Variants in CNTN5 observed in about 807,000 individuals in gnomAD.
CNTN5 encodes the protein contactin 5.
CNTN5 carries 77 observed loss-of-function variants against 129.1 expected under a neutral mutation model. The ratio of observed to expected loss-of-function variants is 0.60; its 90% CI spans 0.50 to 0.72. The LOEUF is 0.72. Among genes scored for constraint, CNTN5 ranks in the 30% least tolerant of loss-of-function variants. The pLI, the probability that CNTN5 is intolerant of heterozygous loss-of-function variation, is 0.00. For synonymous variants in CNTN5, 509 were observed against 465.6 expected (o/e 1.09, Z -1.20); for missense variants, 1,478 against 1,328.8 (o/e 1.11, Z -1.75).
Position 99,578,175 on chromosome 11 carries a change from T to G in CNTN5, c.55+21906T>G, listed in dbSNP as rs187132557. 2.3e-3 allele frequency among the ~76,000 whole-genome samples: 343 copies of G among 152,204 alleles called. 2 individuals are homozygous for G. The highest frequency in any genetic ancestry group is 7.6e-3 in the African/African-American group (315 of 41,514). ...ATGTGAACTCATCCTTTTTCATGGC[T>G]GCATAGTATTCCATGGTGTATATGT... On this transcript the variant is annotated intron_variant, in intron 3 of 24. Coordinates refer to ENST00000524871, the MANE Select transcript of CNTN5 (RefSeq NM_014361.4).
At chr11:100,020,710 A>G (rs996473848) in intron 9 of CNTN5, among the ~76,000 whole-genome samples, 1 of 152,158 alleles carries the variant, frequency 6.6e-6, no homozygotes, top group Non-Finnish European at 1.5e-5. Context: ...ATTAGAACCA[A>G]TAAACAAATT....
chr11:99,269,765 T>C (rs1461976625), intron 1 of CNTN5, among the ~76,000 whole-genome samples: 1 of 149,826 alleles, frequency 6.7e-6, no homozygotes, highest in Non-Finnish European at 1.5e-5. Context: ...AACTTACTTC[T>C]AGGGTAGGAT....
chr11:100,067,510 A>T (rs1943743830), intron 10 of CNTN5, among the ~76,000 whole-genome samples: 1 of 151,668 alleles, frequency 6.6e-6, no homozygotes, highest in Non-Finnish European at 1.5e-5. Context: ...CAACATAGAG[A>T]TAAAGCTACA....
intron 3 of CNTN5, among the ~76,000 whole-genome samples, chr11:99,784,036 C>G (rs1165522559): frequency 3.3e-5 from 5 of 151,956 alleles, no homozygotes; most frequent in Non-Finnish European, 7.4e-5. Context: ...AGCTGTGTGC[C>G]TTGATACTCT....
chr11:99,897,939 G>T (rs1949251723), intron 6 of CNTN5, among the ~76,000 whole-genome samples: 1 of 152,080 alleles, frequency 6.6e-6, no homozygotes, highest in South Asian at 2.1e-4. Flanking sequence ...AAAGTAAATG[G>T]TTGGAGAAAT....
intron 2 of CNTN5, among the ~76,000 whole-genome samples, chr11:99,513,108 T>C (rs554454908): frequency 1.4e-4 from 22 of 152,252 alleles, no homozygotes; most frequent in Admixed American, 9.2e-4. Context: ...GAAAAAGCTT[T>C]ATTGCCAATA....
At chr11:99,540,697 G>A (rs746851580) in intron 2 of CNTN5, among the ~76,000 whole-genome samples, 13 of 152,008 alleles carry the variant, frequency 8.6e-5, no homozygotes, top group Non-Finnish European at 1.5e-4. Flanking sequence ...TTGGAAAGGG[G>A]CAAATGATAC....
At position 100,193,517 on chromosome 11, in the gene CNTN5, A is replaced by G; in HGVS notation, c.1738A>G (p.Arg580Gly). The part of the protein sequence containing the change: ...EPTRIELTPK[R>G]TELTVGESIV... ...TACAAGGATAGAACTTACTCCTAAAAGAACAGAATTGACAGTGGGAGAAAG... is the reference window on the plus strand; with the variant it reads ...TACAAGGATAGAACTTACTCCTAAAGGAACAGAATTGACAGTGGGAGAAAG... The change falls in exon 15 of 25, where the codon AGA becomes GGA. Residue 580 changes from arginine to glycine, a missense_variant. Coordinates refer to ENST00000524871, the MANE Select transcript of CNTN5 (RefSeq NM_014361.4). 1 of 1,604,822 alleles carries G rather than the reference A, an allele frequency of 6.2e-7. No homozygotes were observed. Among genetic ancestry groups the G allele is most frequent in the Non-Finnish European group, 8.5e-7 (1 of 1,175,266 alleles).
intron 3 of CNTN5, among the ~76,000 whole-genome samples, chr11:99,580,769 T>G (rs953306765): frequency 2.1e-5 from 3 of 140,360 alleles, no homozygotes; most frequent in Admixed American, 7.3e-5. Context: ...TGTTGATCTT[T>G]TCAAAAAACC....
At chr11:100,019,580 A>G (rs1565793431) in intron 9 of CNTN5, among the ~76,000 whole-genome samples, 1 of 151,790 alleles carries the variant, frequency 6.6e-6, no homozygotes, top group Admixed American at 6.6e-5. Context: ...ACCTACTTTT[A>G]TCTGTTTATT....
intron 1 of CNTN5, among the ~76,000 whole-genome samples, chr11:99,061,336 C>T (rs1864867031): frequency 6.6e-6 from 1 of 151,960 alleles, no homozygotes; most frequent in African/African-American, 2.4e-5. Context: ...GGGAGAGGGA[C>T]AGAGAGGGGA....
At chr11:99,086,527 A>G (rs1565306377) in intron 1 of CNTN5, among the ~76,000 whole-genome samples, 1 of 152,176 alleles carries the variant, frequency 6.6e-6, no homozygotes, top group Non-Finnish European at 1.5e-5. Flanking sequence ...CTTGTAAACA[A>G]TCAGATCGTG....
chr11:99,372,292 ACAT>A (rs1205279044), intron 2 of CNTN5, among the ~76,000 whole-genome samples: 6 of 152,216 alleles, frequency 3.9e-5, no homozygotes, highest in African/African-American at 1.4e-4. Flanking sequence ...GATCACCGTT[ACAT>A]CATTATTACT....
At chr11:99,511,440 G>A (rs1292713545) in intron 2 of CNTN5, among the ~76,000 whole-genome samples, 1 of 151,838 alleles carries the variant, frequency 6.6e-6, no homozygotes, top group Non-Finnish European at 1.5e-5. Context: ...TTTTACATTT[G>A]CTGAGGAGAG....
chr11:99,665,614 G>C (rs1459541502), intron 3 of CNTN5, among the ~76,000 whole-genome samples: 1 of 148,972 alleles, frequency 6.7e-6, no homozygotes, highest in Non-Finnish European at 1.5e-5. Flanking sequence ...AGCCTCCCAA[G>C]TGGCTGGGTT....
intron 1 of CNTN5, among the ~76,000 whole-genome samples, chr11:99,217,418 G>A (rs1860187525): frequency 6.6e-6 from 1 of 152,190 alleles, no homozygotes; most frequent in East Asian, 1.9e-4. Context: ...GTATCCATAT[G>A]ATAGGCAAGA....
intron 6 of CNTN5, among the ~76,000 whole-genome samples, chr11:99,910,060 A>G (rs187823992): frequency 6.6e-6 from 1 of 152,274 alleles, no homozygotes; most frequent in Non-Finnish European, 1.5e-5. Flanking sequence ...AACCAAGAGT[A>G]TCATAATAGC....
chr11:99,828,923 C>A (rs999982075), intron 4 of CNTN5, among the ~76,000 whole-genome samples: 1 of 152,066 alleles, frequency 6.6e-6, no homozygotes, highest in Non-Finnish European at 1.5e-5. Context: ...TCTGTACTTG[C>A]TATATTCTAT....
chr11:99,688,840 A>G (rs1953909144), intron 3 of CNTN5, among the ~76,000 whole-genome samples: 2 of 152,106 alleles, frequency 1.3e-5, no homozygotes, highest in Admixed American at 1.3e-4. Flanking sequence ...ATTCACTTAT[A>G]GGTGAGAACA....
Sources: allele counts gnomAD v4.1 joint callset (sites outside exome capture counted in the v4.1 genomes callset), GRCh38; gene constraint gnomAD v4.1.1; transcripts MANE v1.5; gene names NCBI Gene and HGNC (gene_info 2026-07-23, HGNC 2026-07-21).